BAZ1B: variants seen among roughly 807,000 people sequenced by gnomAD.
BAZ1B encodes the protein tyrosine-protein kinase BAZ1B.
Under a neutral mutation model 153.8 loss-of-function variants are expected in BAZ1B, and 22 were observed. That is an observed-to-expected ratio of 0.14 (90% CI 0.10 to 0.20). The LOEUF (loss-of-function observed/expected upper bound fraction) is 0.20. Among genes scored for constraint, BAZ1B ranks in the 10% least tolerant of loss-of-function variants. BAZ1B has a pLI of 1.00. For missense variants in BAZ1B, 1,325 were observed against 1,799.3 expected (o/e 0.74, Z 4.77); for synonymous variants, 676 against 633.4 (o/e 1.07, Z -1.01).
At chr7:73,518,193 A>G (rs886294934) in intron 1 of BAZ1B, among the ~76,000 whole-genome samples, 3 of 151,624 alleles carry the variant, frequency 2.0e-5, no homozygotes, top group Non-Finnish European at 4.4e-5. Flanking sequence ...TAAGGTCAGG[A>G]GATCAAGACA....
intron 17 of BAZ1B, among the ~76,000 whole-genome samples, chr7:73,443,438 C>A (rs558073588): frequency 9.4e-4 from 143 of 152,314 alleles, no homozygotes; most frequent in African/African-American, 3.2e-3. Flanking sequence ...GCAAACCGAG[C>A]ATCTTCTAAT....
intron 7 of BAZ1B, among the ~76,000 whole-genome samples, chr7:73,475,089 G>C (rs1345609606): frequency 6.6e-6 from 1 of 152,136 alleles, no homozygotes; most frequent in Non-Finnish European, 1.5e-5. Context: ...GTATTGATGA[G>C]GAAGGAGAAA....
At chr7:73,446,530 G>A (rs549251520) in intron 16 of BAZ1B, among the ~76,000 whole-genome samples, 4 of 127,380 alleles carry the variant, frequency 3.1e-5, no homozygotes, top group South Asian at 5.0e-4. Flanking sequence ...CAGCCCAGGC[G>A]ACAGTGAGAC....
chr7:73,451,069 A>G lies in BAZ1B; in HGVS notation c.3433-75T>C. 2.0e-6 allele frequency: 3 copies of G among 1,529,530 alleles called. No homozygotes were observed. In the South Asian group the frequency reaches 3.6e-5, roughly 19 times the overall value. The allele number at this position is 1,529,530 out of a possible 1,614,324, so 94.7% of individuals were successfully genotyped here. On this transcript the variant is annotated intron_variant, in intron 13 of 19. Coordinates refer to ENST00000339594, the MANE Select transcript of BAZ1B (RefSeq NM_032408.4). ...TGAGAGAGAACTAGGAACAGGGGACAGTATGAGAGAATTCTGAGGACACTT... is the reference window on the plus strand; with the variant it reads ...TGAGAGAGAACTAGGAACAGGGGACGGTATGAGAGAATTCTGAGGACACTT...
At chr7:73,466,495 TAAC>T (rs1248657382) in intron 9 of BAZ1B, 94 bp from the exon 10 acceptor site, 14 of 756,414 alleles carry the variant, frequency 1.9e-5, no homozygotes, top group Non-Finnish European at 1.4e-5. Flanking sequence ...CAACAATTTG[TAAC>T]AACACAGATA....
Position 73,499,182 on chromosome 7 carries a change from C to T in BAZ1B, c.370-484G>A, listed in dbSNP as rs139722506. ...AGCTGGGACTATAGGCACGCACCAT[C>T]GTGCCAGGCTAATTTTTGTATTTTT... is the stretch of plus-strand genomic sequence containing the variant. On this transcript the variant is annotated intron_variant, in intron 3 of 19. Coordinates refer to ENST00000339594, the MANE Select transcript of BAZ1B (RefSeq NM_032408.4). Among the ~76,000 whole-genome samples, 723 of 152,160 alleles carry T rather than the reference C, an allele frequency of 4.8e-3. 2 individuals carry two copies. The highest frequency in any genetic ancestry group is 6.8e-3 in the Middle Eastern group (2 of 294).
Position 73,442,176 on chromosome 7 carries a change from C to A in BAZ1B, c.*15+5G>T. On this transcript the variant is annotated splice_donor_5th_base_variant and intron_variant, in intron 19 of 19. Transcript: ENST00000339594. ...CTAGCTGTCCCCCCACCTCAGCTCC[C>A]TTACCACGGCCCTGCCTCTCTACTT... 6.4e-7 allele frequency: 1 copy of A among 1,554,686 alleles called. No homozygotes were observed. The highest frequency in any genetic ancestry group is 1.2e-5 in the South Asian group (1 of 85,288).
At chr7:73,511,471 C>G (rs139708079) in intron 1 of BAZ1B, among the ~76,000 whole-genome samples, 1,899 of 151,716 alleles carry the variant, frequency 0.013, 42 homozygotes, top group African/African-American at 0.044. Flanking sequence ...CGAGACCAGC[C>G]TGGGCAACAT....
chr7:73,494,346 G>A (rs1447163669), intron 4 of BAZ1B, among the ~76,000 whole-genome samples: 2 of 152,150 alleles, frequency 1.3e-5, no homozygotes, highest in Non-Finnish European at 1.5e-5. Context: ...TCATGCCACT[G>A]CACTCCAGCC....
At chr7:73,455,141 T>TC (rs1788149562) in intron 13 of BAZ1B, among the ~76,000 whole-genome samples, 1 of 151,912 alleles carries the variant, frequency 6.6e-6, no homozygotes. Context: ...AGCCTCAGCC[T>TC]CCCAAAGTGC....
At chr7:73,459,935 C>A (rs1401625432) in intron 12 of BAZ1B, among the ~76,000 whole-genome samples, 1 of 152,186 alleles carries the variant, frequency 6.6e-6, no homozygotes, top group Non-Finnish European at 1.5e-5. Context: ...TGGCTCACGC[C>A]TGTAATCCCA....
chr7:73,463,005 G>C lies in BAZ1B; in HGVS notation c.3166C>G (p.Arg1056Gly). ...GTTGCAACTTCAATGAGATCACTAC[G>C]AAGGAAGTTTAAAAGCTCCTGGTTG... ...DGNQELLNFL[R>G]SDLIEVATRL... Residue 1056 changes from arginine (R) to glycine (G), a missense_variant, in exon 12 of 20, where the codon CGT becomes GGT. Physicochemically the swap from Arg to Gly is moderately radical, Grantham distance 125. Around this residue, in one of 9 missense-constraint regions of BAZ1B, gnomAD observed 431 missense variants for 563.5 expected, o/e 0.76. Coordinates refer to ENST00000339594, the MANE Select transcript of BAZ1B (RefSeq NM_032408.4). The C allele has an allele frequency of 6.2e-7, 1 of 1,613,940 alleles. No homozygotes were observed. The highest frequency in any genetic ancestry group is 8.5e-7 in the Non-Finnish European group (1 of 1,179,926).
intron 1 of BAZ1B, among the ~76,000 whole-genome samples, chr7:73,518,154 A>C (rs2115622664): frequency 6.6e-6 from 1 of 152,096 alleles, no homozygotes; most frequent in Admixed American, 6.6e-5. Context: ...GTAATCCCAG[A>C]ACTATGGGAG....
intron 3 of BAZ1B, among the ~76,000 whole-genome samples, chr7:73,500,401 G>A (rs566704949): frequency 3.9e-5 from 6 of 152,114 alleles, no homozygotes; most frequent in East Asian, 1.9e-4. Flanking sequence ...TTTGCCAGGC[G>A]AGGATGTGGT....
At chr7:73,441,810 G>C (rs756944761) in intron 19 of BAZ1B, 117 bp from the exon 20 acceptor site, 1 of 241,236 alleles carries the variant, frequency 4.1e-6, no homozygotes, top group Non-Finnish European at 8.0e-6. Context: ...TGATTACCCC[G>C]ATCCTGCTAT....
chr7:73,440,864 G>A lies in BAZ1B; in HGVS notation c.*845C>T, dbSNP rs1405082999. On this transcript the variant is annotated 3_prime_UTR_variant, in exon 20 of 20. Transcript: ENST00000339594. ...TTCCAAATTCAAAGGTGATAAAAAAGAAAAACCCTGTTTTGTACTTTTATC... is the reference window on the plus strand; with the variant it reads ...TTCCAAATTCAAAGGTGATAAAAAAAAAAAACCCTGTTTTGTACTTTTATC... 14 of 152,696 alleles carry A rather than the reference G, an allele frequency of 9.2e-5. No individual in the cohort carries two copies. The highest frequency in any genetic ancestry group is 1.4e-4 in the African/African-American group (6 of 41,570). The allele number at this position is 152,696 out of a possible 1,614,324, so 9.5% of individuals were successfully genotyped here. A position where few individuals can be genotyped will look rare whatever the true frequency, so the allele number is the denominator to read the frequency against.
intron 3 of BAZ1B, 59 bp from the exon 4 acceptor site, chr7:73,498,757 T>A: frequency 6.8e-7 from 1 of 1,463,316 alleles, no homozygotes; most frequent in South Asian, 1.1e-5. Flanking sequence ...CCTGAAGATG[T>A]TTAGAACATA....
chr7:73,454,025 A>G (rs547540900), intron 13 of BAZ1B, among the ~76,000 whole-genome samples: 25 of 151,902 alleles, frequency 1.6e-4, no homozygotes, highest in East Asian at 1.4e-3. Context: ...TAGGCTGGGC[A>G]TGGTGGCTCA....
chr7:73,480,974 C>A (rs1209386847), intron 6 of BAZ1B, among the ~76,000 whole-genome samples: 1 of 151,964 alleles, frequency 6.6e-6, no homozygotes, highest in Non-Finnish European at 1.5e-5. Flanking sequence ...TCTCCCAGTC[C>A]GGAGTGCAGT....
Sources: gnomAD v4.1 joint callset for allele counts (sites outside exome capture counted in the v4.1 genomes callset) on GRCh38, gnomAD v4.1.1 for gene constraint, gnomAD v4.1.1 regional missense constraint, MANE v1.5 for transcripts, NCBI Gene and HGNC (gene_info 2026-07-23, HGNC 2026-07-21) for gene names.